The following DCHS2 variants were observed in gnomAD, a reference collection of about 807,000 sequenced individuals.
DCHS2 encodes protocadherin-23.
A neutral mutation model predicts 182.4 loss-of-function variants in DCHS2; 142 were observed. The ratio of observed to expected loss-of-function variants is 0.78; its 90% CI spans 0.68 to 0.89. DCHS2 has a LOEUF of 0.89. Among genes scored for constraint, DCHS2 ranks in the 40% least tolerant of loss-of-function variants. The pLI is 0.00. For synonymous variants in DCHS2, 1,740 were observed against 1,663.3 expected, an observed-to-expected ratio of 1.05 and a Z score of -1.12; for missense variants, 4,319 against 4,198.6, an observed-to-expected ratio of 1.03 and a Z score of -0.79.
chr4:154,266,154 T>C (rs1733244934), intron 14 of DCHS2, among the ~76,000 whole-genome samples: 1 of 152,140 alleles, frequency 6.6e-6, no homozygotes, highest in South Asian at 2.1e-4. Flanking sequence ...GTAAATGACA[T>C]GGGCACTGTG....
chr4:154,333,805 C>T (rs1245141521), intron 4 of DCHS2: 1 of 346,218 alleles, frequency 2.9e-6, no homozygotes, highest in Non-Finnish European at 5.3e-6. Flanking sequence ...TAGGCCACAC[C>T]ATCCAGGTTC....
chr4:154,274,772 T>C (rs956545623), intron 13 of DCHS2, among the ~76,000 whole-genome samples: 4 of 152,272 alleles, frequency 2.6e-5, no homozygotes, highest in Non-Finnish European at 5.9e-5. Flanking sequence ...AGAAAAATCC[T>C]GGTCTCTGCC....
chr4:154,286,681 T>TG (rs1734415882), intron 13 of DCHS2, among the ~76,000 whole-genome samples: 1 of 151,390 alleles, frequency 6.6e-6, no homozygotes, highest in Non-Finnish European at 1.5e-5. Flanking sequence ...GAAAAAAGGA[T>TG]GAAAAAGAAG....
chr4:154,477,083 G>A (rs1408823335), intron 1 of DCHS2, among the ~76,000 whole-genome samples: 1 of 152,180 alleles, frequency 6.6e-6, no homozygotes, highest in African/African-American at 2.4e-5. Context: ...TGTAGGCTGG[G>A]TGGCTTAAAC....
intron 10 of DCHS2, among the ~76,000 whole-genome samples, chr4:154,313,459 A>G (rs1735744007): frequency 6.6e-6 from 1 of 152,170 alleles, no homozygotes; most frequent in African/African-American, 2.4e-5. Context: ...GCTAGAAAAC[A>G]CATGTTAAGC....
At chr4:154,408,660 G>A (rs968181195) in intron 1 of DCHS2, among the ~76,000 whole-genome samples, 2 of 152,124 alleles carry the variant, frequency 1.3e-5, no homozygotes, top group Non-Finnish European at 2.9e-5. Flanking sequence ...AATAACTAAA[G>A]GAGAGTGCTG....
chr4:154,234,870 T>C lies in DCHS2; in HGVS notation c.9782A>G (p.His3261Arg). The part of the protein sequence containing the change: ...FNDIAKLKDE[H>R]LHMPGIPKEK... ...TTTTGGAATGCCAGGCATATGCAAA[T>C]GTTCATCCTTTAGTTTTGCAATATC... The change falls in exon 20 of 20, where the codon CAT becomes CGT. Residue 3261 changes from histidine (H) to arginine (R), a missense_variant. By Grantham distance (29) the His-to-Arg change is conservative. Coordinates refer to ENST00000357232, the MANE Select transcript of DCHS2 (RefSeq NM_001358235.2). 6.2e-7 allele frequency: 1 copy of C among 1,614,058 alleles called. No homozygotes were observed. The highest frequency in any genetic ancestry group is 8.5e-7 in the Non-Finnish European group (1 of 1,179,942).
At chr4:154,249,333 AT>A (rs549051606) in intron 16 of DCHS2, among the ~76,000 whole-genome samples, 17 of 152,212 alleles carry the variant, frequency 1.1e-4, no homozygotes, top group Non-Finnish European at 2.4e-4. Context: ...ATATAAAAAA[AT>A]GCTCATGATC....
intron 1 of DCHS2, among the ~76,000 whole-genome samples, chr4:154,420,394 A>G (rs922514879): frequency 4.6e-5 from 7 of 152,200 alleles, no homozygotes; most frequent in African/African-American, 1.4e-4. Flanking sequence ...AAGTTCCACA[A>G]TGTGCTATCT....
At chr4:154,431,880 A>C (rs1733573601) in intron 1 of DCHS2, among the ~76,000 whole-genome samples, 1 of 152,156 alleles carries the variant, frequency 6.6e-6, no homozygotes. Flanking sequence ...CTTTGGTTCC[A>C]ATGAACATTT....
intron 1 of DCHS2, among the ~76,000 whole-genome samples, chr4:154,402,537 G>A (rs1425461326): frequency 1.3e-5 from 2 of 152,178 alleles, no homozygotes; most frequent in African/African-American, 4.8e-5. Context: ...ACATACCTGA[G>A]ACTGGTATAC....
intron 1 of DCHS2, among the ~76,000 whole-genome samples, chr4:154,465,435 A>G (rs6827425): frequency 0.92 from 139,414 of 152,150 alleles, 65,137 homozygotes; most frequent in East Asian, 1. Flanking sequence ...TTGGGAGACC[A>G]AGGCGGGTGG....
At chr4:154,420,168 A>C (rs774320807) in intron 1 of DCHS2, among the ~76,000 whole-genome samples, 2 of 151,896 alleles carry the variant, frequency 1.3e-5, no homozygotes, top group African/African-American at 2.4e-5. Flanking sequence ...GGCTGGGGAG[A>C]CCAGATGGAG....
intron 3 of DCHS2, among the ~76,000 whole-genome samples, chr4:154,345,322 G>C (rs1729308305): frequency 6.6e-6 from 1 of 152,178 alleles, no homozygotes; most frequent in Non-Finnish European, 1.5e-5. Flanking sequence ...TTAACCAGCT[G>C]TCTATACTAA....
chr4:154,401,543 C>T (rs1485985092), intron 1 of DCHS2, among the ~76,000 whole-genome samples: 1 of 152,170 alleles, frequency 6.6e-6, no homozygotes, highest in African/African-American at 2.4e-5. Context: ...CAATATGTAG[C>T]AGGCCTTTTT....
chr4:154,433,863 A>G (rs1240781638), intron 1 of DCHS2, among the ~76,000 whole-genome samples: 3 of 152,162 alleles, frequency 2.0e-5, no homozygotes, highest in Admixed American at 1.3e-4. Flanking sequence ...CTTCATATAT[A>G]GTCACTAAAC....
At chr4:154,363,917 T>C (rs1476378626) in intron 3 of DCHS2, among the ~76,000 whole-genome samples, 1 of 152,180 alleles carries the variant, frequency 6.6e-6, no homozygotes, top group Non-Finnish European at 1.5e-5. Flanking sequence ...CTTTTTCCCA[T>C]AGCTAGTCAC....
At chr4:154,353,647 C>T (rs558306393) in intron 3 of DCHS2, among the ~76,000 whole-genome samples, 57 of 152,306 alleles carry the variant, frequency 3.7e-4, no homozygotes, top group African/African-American at 1.3e-3. Context: ...CCTTCCTTAA[C>T]AATCCCTTGG....
chr4:154,333,772 T>C (rs796096535), intron 4 of DCHS2: 13 of 416,416 alleles, frequency 3.1e-5, no homozygotes, highest in African/African-American at 2.4e-4. Context: ...CAATCGACTG[T>C]AACATTTAGC....
Sources: allele counts gnomAD v4.1 joint callset (sites outside exome capture counted in the v4.1 genomes callset), GRCh38; gene constraint gnomAD v4.1.1; transcripts MANE v1.5; gene names NCBI Gene and HGNC (gene_info 2026-07-23, HGNC 2026-07-21).